Variants in NAA35 observed in about 807,000 individuals in gnomAD.
NAA35 encodes MAK10 homolog, amino-acid N-acetyltransferase subunit.
A neutral mutation model predicts 101.7 loss-of-function variants in NAA35; 18 were observed. The observed-to-expected ratio is 0.18, with a 90% confidence interval of 0.12 to 0.26. The LOEUF (loss-of-function observed/expected upper bound fraction) is 0.26, where lower values mean the gene tolerates loss of function less well. NAA35 is among the 10% of genes least tolerant of loss of function. The pLI is 1.00. For missense variants in NAA35, 601 were observed against 886.8 expected (o/e 0.68, Z 4.09); for synonymous variants, 267 against 273.1 (o/e 0.98, Z 0.22).
At chr9:85,948,906 C>T (rs1828883229) in intron 2 of NAA35, among the ~76,000 whole-genome samples, 1 of 151,702 alleles carries the variant, frequency 6.6e-6, no homozygotes, top group Non-Finnish European at 1.5e-5. Flanking sequence ...TACTGGCGCC[C>T]ACCACATGCT....
rs1832719764 is a variant in NAA35, at chr9:86,024,937, A to G, written c.*2977A>G. Reference sequence around the variant, plus strand: ...AGAGTAAGGGACTGAGATAGGTCCCAAGGAATAGACTTGGGAGGGCCAGGG... The same window carrying G: ...AGAGTAAGGGACTGAGATAGGTCCCGAGGAATAGACTTGGGAGGGCCAGGG... On this transcript the variant is annotated 3_prime_UTR_variant, in exon 23 of 23. Transcript: ENST00000361671. 6.6e-6 allele frequency among the ~76,000 whole-genome samples: 1 copy of G among 152,126 alleles called. No homozygotes were observed. The highest frequency in any genetic ancestry group is 2.4e-5 in the African/African-American group (1 of 41,430).
At chr9:85,975,400 T>G (rs1274844217) in intron 8 of NAA35, among the ~76,000 whole-genome samples, 1 of 152,190 alleles carries the variant, frequency 6.6e-6, no homozygotes, top group Non-Finnish European at 1.5e-5. Flanking sequence ...CATCCCTCAG[T>G]ATTCTCAGGG....
At chr9:85,960,471 T>C (rs1427013968) in intron 5 of NAA35, among the ~76,000 whole-genome samples, 3 of 152,228 alleles carry the variant, frequency 2.0e-5, no homozygotes, top group Non-Finnish European at 4.4e-5. Context: ...CATTTATTGA[T>C]TGCTAGTGTG....
rs540190442 is a variant in NAA35 at position 85,974,868 on chromosome 9, T to C, written c.517-99T>C. 20 of 804,688 alleles carry C rather than the reference T, an allele frequency of 2.5e-5. No individual in the cohort carries two copies. In the South Asian group the frequency reaches 3.0e-4, roughly 12 times the overall value. The allele number at this position is 804,688 out of a possible 1,614,324, so 49.8% of individuals were successfully genotyped here. A position where few individuals can be genotyped will look rare whatever the true frequency, so the allele number is the denominator to read the frequency against. Reference sequence around the variant, plus strand: ...CTCCCATTTCTCTTTGTTTATTAAATAGTGATTTTGTAAGAGAAATATAAA... The same window carrying C: ...CTCCCATTTCTCTTTGTTTATTAAACAGTGATTTTGTAAGAGAAATATAAA... On this transcript the variant is annotated intron_variant, in intron 6 of 22. Transcript: ENST00000361671.
intron 6 of NAA35, among the ~76,000 whole-genome samples, chr9:85,968,927 C>G (rs553806740): frequency 1.3e-5 from 2 of 152,208 alleles, no homozygotes; most frequent in East Asian, 3.9e-4. Context: ...TGATAATTGT[C>G]TCTCTTTTTG....
chr9:86,019,869 T>C (rs540809499), intron 21 of NAA35, among the ~76,000 whole-genome samples: 8 of 152,270 alleles, frequency 5.3e-5, no homozygotes, highest in East Asian at 1.9e-4. Flanking sequence ...AGAGTATTCA[T>C]TGCAGCAGGA....
chr9:85,945,063 G>C (rs1172122831), intron 2 of NAA35, among the ~76,000 whole-genome samples: 1 of 152,180 alleles, frequency 6.6e-6, no homozygotes, highest in East Asian at 1.9e-4. Context: ...TGGTGGGAGA[G>C]ATGTTTTGGC....
Position 85,991,475 on chromosome 9 carries a change from CAGG to C in NAA35, c.878-4919_878-4917del, listed in dbSNP as rs560124734. ...TCATAAGTGGGGGGAAGAGGCTGTC[CAGG>C]AGGACTGGATGGCATGAGATGTCAA... On this transcript the variant is annotated intron_variant, in intron 11 of 22. Coordinates refer to ENST00000361671, the MANE Select transcript of NAA35 (RefSeq NM_024635.4). Among the ~76,000 whole-genome samples the C allele has an allele frequency of 5.3e-3, 806 of 152,110 alleles. 1 individual carries two copies. The highest frequency in any genetic ancestry group is 8.6e-3 in the Non-Finnish European group (586 of 67,978).
At chr9:85,946,122 A>G (rs916530179) in intron 2 of NAA35, among the ~76,000 whole-genome samples, 2 of 152,050 alleles carry the variant, frequency 1.3e-5, no homozygotes, top group Non-Finnish European at 2.9e-5. Flanking sequence ...TCTTAAAAAA[A>G]AAATTAGTAA....
At chr9:86,016,018 T>TA (rs1331307374) in intron 17 of NAA35, among the ~76,000 whole-genome samples, 2 of 151,684 alleles carry the variant, frequency 1.3e-5, no homozygotes, top group African/African-American at 4.8e-5. Flanking sequence ...CATATATATT[T>TA]TTATATATAT....
At chr9:86,005,728 A>G (rs956765488) in intron 13 of NAA35, among the ~76,000 whole-genome samples, 18 of 152,212 alleles carry the variant, frequency 1.2e-4, no homozygotes, top group Admixed American at 2.6e-4. Flanking sequence ...ACTATTTACA[A>G]TAACAAAATG....
intron 12 of NAA35, among the ~76,000 whole-genome samples, chr9:86,000,063 G>A (rs1831352489): frequency 6.6e-6 from 1 of 152,060 alleles, no homozygotes; most frequent in African/African-American, 2.4e-5. Context: ...TTGTTTTGAG[G>A]TGTGGTCCTT....
At chr9:85,953,462 T>C (rs1829109852) in intron 2 of NAA35, among the ~76,000 whole-genome samples, 1 of 152,200 alleles carries the variant, frequency 6.6e-6, no homozygotes, top group Admixed American at 6.6e-5. Context: ...AATTTCACCC[T>C]GTTGGCCAGG....
intron 2 of NAA35, among the ~76,000 whole-genome samples, chr9:85,951,600 C>T (rs1829021781): frequency 6.6e-6 from 1 of 152,160 alleles, no homozygotes; most frequent in South Asian, 2.1e-4. Context: ...ACATGCACTG[C>T]CATTTGGAAA....
At chr9:85,969,304 C>T (rs1829898133) in intron 6 of NAA35, among the ~76,000 whole-genome samples, 1 of 150,162 alleles carries the variant, frequency 6.7e-6, no homozygotes, top group Non-Finnish European at 1.5e-5. Context: ...TCCCTATCCT[C>T]ACACTTATTT....
chr9:85,942,046 A>G (rs995519611), intron 1 of NAA35, 109 bp from the exon 2 acceptor site: 1 of 1,475,604 alleles, frequency 6.8e-7, no homozygotes, highest in Non-Finnish European at 9.1e-7. Flanking sequence ...GTTCTGCTTT[A>G]AAGAGTTTAG....
chr9:85,985,861 G>C (rs1330230190), intron 11 of NAA35, among the ~76,000 whole-genome samples: 1 of 152,098 alleles, frequency 6.6e-6, no homozygotes, highest in African/African-American at 2.4e-5. Context: ...TTAGTTTTGA[G>C]GAAAGATAAT....
At chr9:85,960,106 C>T (rs370710358) in intron 5 of NAA35, among the ~76,000 whole-genome samples, 6 of 152,098 alleles carry the variant, frequency 3.9e-5, no homozygotes, top group South Asian at 4.1e-4. Flanking sequence ...ATATTATAGC[C>T]GTGGTTCATA....
intron 6 of NAA35, among the ~76,000 whole-genome samples, chr9:85,971,096 A>G (rs750085686): frequency 1.3e-5 from 2 of 152,226 alleles, no homozygotes; most frequent in Non-Finnish European, 2.9e-5. Context: ...CATTCATTTG[A>G]AAACACCACA....
Sources: gnomAD v4.1 joint callset for allele counts (sites outside exome capture counted in the v4.1 genomes callset) on GRCh38, gnomAD v4.1.1 for gene constraint, MANE v1.5 for transcripts, NCBI Gene and HGNC (gene_info 2026-07-23, HGNC 2026-07-21) for gene names.